Variants in PPAT observed in about 807,000 individuals in gnomAD.
The protein encoded by PPAT is phosphoribosyl pyrophosphate amidotransferase, also known as amidophosphoribosyltransferase.
Under a neutral mutation model 60.2 loss-of-function variants are expected in PPAT, and 20 were observed. That is an observed-to-expected ratio of 0.33 (90% CI 0.23 to 0.48). The LOEUF is 0.48. Among genes scored for constraint, PPAT ranks in the 20% least tolerant of loss-of-function variants. The pLI, the probability that PPAT is intolerant of heterozygous loss-of-function variation, is 0.99. For synonymous variants in PPAT, 194 were observed against 215.1 expected, an observed-to-expected ratio of 0.90 and a Z score of 0.86; for missense variants, 349 against 629.6, an observed-to-expected ratio of 0.55 and a Z score of 4.77.
intron 1 of PPAT, among the ~76,000 whole-genome samples, chr4:56,426,800 G>A (rs1273139605): frequency 6.6e-6 from 1 of 151,972 alleles, no homozygotes; most frequent in Non-Finnish European, 1.5e-5. Context: ...ATACCCATAA[G>A]TACGTTCACG....
chr4:56,401,005 G>A, intron 7 of PPAT, 94 bp from the exon 8 acceptor site: 1 of 1,268,044 alleles, frequency 7.9e-7, no homozygotes, highest in Non-Finnish European at 1.1e-6. Flanking sequence ...TACAGATTGA[G>A]TATAAAAAGA....
At chr4:56,426,169 A>C (rs1277988751) in intron 1 of PPAT, among the ~76,000 whole-genome samples, 2 of 152,170 alleles carry the variant, frequency 1.3e-5, no homozygotes, top group African/African-American at 4.8e-5. Flanking sequence ...GTGGGAGGCC[A>C]AGGCAGGCAG....
intron 3 of PPAT, 73 bp from the exon 4 acceptor site, chr4:56,403,474 A>T: frequency 9.7e-7 from 1 of 1,030,978 alleles, no homozygotes; most frequent in Non-Finnish European, 1.4e-6. Context: ...GTAGCCAACC[A>T]TAATGAAAAT....
chr4:56,406,838 T>C, intron 2 of PPAT, 137 bp from the exon 3 acceptor site: 2 of 694,044 alleles, frequency 2.9e-6, no homozygotes, highest in Non-Finnish European at 4.7e-6. Context: ...AATTCTAATC[T>C]AAAAAAAAGT....
chr4:56,407,977 AAAAT>A (rs1208373003), intron 1 of PPAT: 1 of 352,038 alleles, frequency 2.8e-6, no homozygotes, highest in Non-Finnish European at 5.3e-6. Context: ...TTACGTTGTA[AAAAT>A]AAATAATTTA....
intron 1 of PPAT, among the ~76,000 whole-genome samples, chr4:56,433,885 T>A (rs1412038446): frequency 1.3e-5 from 2 of 152,146 alleles, no homozygotes; most frequent in Non-Finnish European, 2.9e-5. Context: ...AGAGATGGGG[T>A]TTCACCATGT....
chr4:56,412,887 A>G (rs528164906), intron 1 of PPAT, among the ~76,000 whole-genome samples: 8 of 152,204 alleles, frequency 5.3e-5, no homozygotes, highest in Non-Finnish European at 8.8e-5. Flanking sequence ...TTAAATTATA[A>G]AATTATAAGC....
At chr4:56,395,569 A>T (rs750232383) in intron 10 of PPAT, 21 bp from the exon 11 acceptor site, 1 of 1,484,856 alleles carries the variant, frequency 6.7e-7, no homozygotes, top group African/African-American at 1.5e-5. Flanking sequence ...AGGGAAAAAT[A>T]AAAATGTAAT....
At chr4:56,410,049 A>G (rs1443925144) in intron 1 of PPAT, among the ~76,000 whole-genome samples, 6 of 152,154 alleles carry the variant, frequency 3.9e-5, no homozygotes, top group Admixed American at 6.5e-5. Context: ...TTGACTTATG[A>G]TTTCTTTTAT....
At chr4:56,400,023 G>T (rs1716073296) in intron 8 of PPAT, 1 of 152,234 alleles carries the variant, frequency 6.6e-6, no homozygotes. Context: ...GACTTGTGAA[G>T]ATAATTCAAG....
At position 56,418,794 on chromosome 4, in the gene PPAT, G is replaced by A. The variant is rs553632771; in HGVS notation, c.129-11078C>T. 3.3e-5 allele frequency among the ~76,000 whole-genome samples: 5 copies of A among 152,226 alleles called. No individual in the cohort carries two copies. In the South Asian group the frequency reaches 1.0e-3, roughly 32 times the overall value. On this transcript the variant is annotated intron_variant, in intron 1 of 10. Coordinates refer to ENST00000264220, the MANE Select transcript of PPAT (RefSeq NM_002703.5). Reference sequence around the variant, plus strand: ...TGGTTGTCAAAATAACCAATATAAAGTCAAGTACTGTCAGTAATGTAAATG... The same window carrying A: ...TGGTTGTCAAAATAACCAATATAAAATCAAGTACTGTCAGTAATGTAAATG...
intron 1 of PPAT, among the ~76,000 whole-genome samples, chr4:56,409,114 C>T (rs1467258264): frequency 6.6e-6 from 1 of 152,182 alleles, no homozygotes; most frequent in Non-Finnish European, 1.5e-5. Context: ...AGGTCGATAG[C>T]ATGCGTGATA....
intron 1 of PPAT, among the ~76,000 whole-genome samples, chr4:56,431,243 A>C (rs1483194005): frequency 6.6e-6 from 1 of 152,230 alleles, no homozygotes; most frequent in Non-Finnish European, 1.5e-5. Flanking sequence ...AAATTAAGTA[A>C]GATATTCCCT....
intron 3 of PPAT, 59 bp from the exon 4 acceptor site, chr4:56,403,460 C>A: frequency 7.9e-7 from 1 of 1,269,804 alleles, no homozygotes; most frequent in Non-Finnish European, 1.1e-6. Context: ...CCACCCCAAA[C>A]CCAGTAGCCA....
At position 56,394,292 on chromosome 4, in the gene PPAT, T is replaced by A. The variant is rs1246360129; in HGVS notation, c.*1060A>T. The A allele has an allele frequency of 6.6e-6, 1 of 152,320 alleles. No individual in the cohort carries two copies. Among genetic ancestry groups the A allele is most frequent in the East Asian group, 1.9e-4 (1 of 5,176 alleles). The allele number at this position is 152,320 out of a possible 1,614,324, so 9.4% of individuals were successfully genotyped here. On this transcript the variant is annotated 3_prime_UTR_variant, in exon 11 of 11. Coordinates refer to ENST00000264220, the MANE Select transcript of PPAT (RefSeq NM_002703.5). ...CCCAAAGTGGTTGTCTCTTTGATCC[T>A]TAAACAAAACTGGCCCCTATTGTGT...
At chr4:56,399,022 T>C (rs979174105) in intron 9 of PPAT, among the ~76,000 whole-genome samples, 157 bp downstream of exon 9, 2 of 152,156 alleles carry the variant, frequency 1.3e-5, no homozygotes, top group Admixed American at 6.5e-5. Flanking sequence ...TGTGACATGT[T>C]CTTCAAGTTG....
At position 56,399,159 on chromosome 4, in the gene PPAT, T is replaced by C; in HGVS notation, c.1236+20A>G. On this transcript the variant is annotated intron_variant, in intron 9 of 10. Coordinates refer to ENST00000264220, the MANE Select transcript of PPAT (RefSeq NM_002703.5). ...CTTATTGTTAACTTATGCTTTAGGA[T>C]ATGTTTTAATATTACTTACCTCTTT... 6.4e-7 allele frequency: 1 copy of C among 1,571,140 alleles called. No homozygotes were observed.
intron 3 of PPAT, among the ~76,000 whole-genome samples, chr4:56,404,649 A>T (rs532013504): frequency 1.3e-5 from 2 of 151,802 alleles, no homozygotes; most frequent in South Asian, 4.2e-4. Flanking sequence ...ATTTTTAAGA[A>T]ATTTTTACTC....
chr4:56,433,936 C>A (rs1406033888), intron 1 of PPAT, among the ~76,000 whole-genome samples: 1 of 152,116 alleles, frequency 6.6e-6, no homozygotes, highest in African/African-American at 2.4e-5. Context: ...GTGATCCGCC[C>A]GCCTCGGCCT....
Sources: gnomAD v4.1 joint callset for allele counts (sites outside exome capture counted in the v4.1 genomes callset) on GRCh38, gnomAD v4.1.1 for gene constraint, MANE v1.5 for transcripts, NCBI Gene and HGNC (gene_info 2026-07-23, HGNC 2026-07-21) for gene names.